ANKS1A: variants seen among roughly 807,000 people sequenced by gnomAD.
The protein encoded by ANKS1A is ankyrin repeat and sterile alpha motif domain containing 1A.
Under a neutral mutation model 120.3 loss-of-function variants are expected in ANKS1A, and 55 were observed. The observed-to-expected ratio is 0.46, with a 90% CI of 0.37 to 0.57. The LOEUF is 0.57. Among genes scored for constraint, ANKS1A ranks in the 20% least tolerant of loss-of-function variants. The pLI, the probability that ANKS1A is intolerant of heterozygous loss-of-function variation, is 0.00. For missense variants in ANKS1A, 1,123 were observed against 1,480.3 expected (o/e 0.76, Z 3.96); for synonymous variants, 590 against 604.7 (o/e 0.98, Z 0.36).
intron 1 of ANKS1A, among the ~76,000 whole-genome samples, chr6:34,960,380 C>T (rs1021597081): frequency 5.9e-5 from 9 of 152,030 alleles, no homozygotes; most frequent in African/African-American, 2.2e-4. Context: ...TCCTAGAAAT[C>T]AAGCTCCATG....
chr6:35,085,668 G>T lies in ANKS1A; in HGVS notation c.3133-98G>T. 7.6e-7 allele frequency: 1 copy of T among 1,320,808 alleles called. No individual in the cohort carries two copies. The highest frequency in any genetic ancestry group is 1.0e-6 in the Non-Finnish European group (1 of 979,056). 81.8% of individuals were successfully genotyped at this position (1,320,808 alleles called of 1,614,324 possible). Reference sequence around the variant, plus strand: ...AAGGAGGTAGGAGCGCTCCCGGGTAGACTTAGAGGGGGACACATGGTCCCT... The same window carrying T: ...AAGGAGGTAGGAGCGCTCCCGGGTATACTTAGAGGGGGACACATGGTCCCT... On this transcript the variant is annotated intron_variant, in intron 21 of 23. Coordinates refer to ENST00000360359, the MANE Select transcript of ANKS1A (RefSeq NM_015245.3). This position sits in a 1 kb window ranked among gnomAD's most constrained non-coding sequence, Gnocchi z 4.7.
At chr6:34,983,030 C>T in intron 5 of ANKS1A, 83 bp from the exon 6 acceptor site, 1 of 1,392,126 alleles carries the variant, frequency 7.2e-7, no homozygotes, top group Non-Finnish European at 1.0e-6. Context: ...CTGCTGACAG[C>T]CTTAAATGTC....
Position 35,084,206 on chromosome 6 carries a change from A to C in ANKS1A, c.3080A>C (p.Lys1027Thr). Residue 1027 changes from lysine to threonine, a missense_variant, in exon 21 of 24, where the codon AAG becomes ACG. Physicochemically the swap from Lys to Thr is moderately conservative, Grantham distance 78 (BLOSUM62 -1). This residue lies in a region of ANKS1A where 904 missense variants were observed against 1,130.4 expected (regional missense o/e 0.80). Coordinates refer to ENST00000360359, the MANE Select transcript of ANKS1A (RefSeq NM_015245.3). This position sits in a 1 kb window ranked among gnomAD's most constrained non-coding sequence, Gnocchi z 4.8. ...CTCTGTACCTTTGCCTACATCACCA[A>C]GGACCTGCAGACCAGCCACCACTAT... ...EDLCTFAYIT[K>T]DLQTSHHYCH... The C allele has an allele frequency of 6.2e-7, 1 of 1,614,204 alleles. No homozygotes were observed. The highest frequency in any genetic ancestry group is 8.5e-7 in the Non-Finnish European group (1 of 1,180,030).
intron 13 of ANKS1A, among the ~76,000 whole-genome samples, chr6:35,070,484 C>CTTTT (rs869249276): frequency 3.0e-4 from 19 of 62,992 alleles, no homozygotes; most frequent in Non-Finnish European, 4.0e-4. Flanking sequence ...AAGCCTTTAT[C>CTTTT]TTTTTTTTTT....
At chr6:34,988,797 T>G (rs1772352521) in intron 8 of ANKS1A, among the ~76,000 whole-genome samples, 1 of 152,214 alleles carries the variant, frequency 6.6e-6, no homozygotes, top group Non-Finnish European at 1.5e-5. Context: ...CTCAGTAACT[T>G]TGATTTGTTA....
rs1048643317 is a variant in ANKS1A, at chr6:34,890,219, G to C, written c.197+620G>C. ...CGATTCTCCTGCCTCTGCCTCCCAA[G>C]TAGCTGGGATTACAGGCGCCCGCCA... On this transcript the variant is annotated intron_variant, in intron 1 of 23. Transcript: ENST00000360359. Among the ~76,000 whole-genome samples the C allele has an allele frequency of 5.9e-5, 9 of 152,080 alleles. No homozygotes were observed. In the East Asian group the frequency reaches 1.7e-3, roughly 29 times the overall value.
chr6:34,903,659 G>A (rs78772901), intron 1 of ANKS1A, among the ~76,000 whole-genome samples: 7 of 151,924 alleles, frequency 4.6e-5, no homozygotes, highest in African/African-American at 1.5e-4. Context: ...CCTCATGCCC[G>A]GCTAATTTTT....
In ANKS1A at chr6:35,078,972, CCT is replaced by C. The variant is rs539936413; in HGVS notation, c.2283+317_2283+318del. Among the ~76,000 whole-genome samples, 19 of 152,290 alleles carry C rather than the reference CCT, an allele frequency of 1.2e-4. No homozygotes were observed. In the South Asian group the frequency reaches 3.9e-3, roughly 32 times the overall value. ...TGGCTTGGCCTTTCACCCAGAGCCC[CCT>C]TCATGGTCTCTCTGGCTCACTGGAG... On this transcript the variant is annotated intron_variant, in intron 14 of 23. Coordinates refer to ENST00000360359, the MANE Select transcript of ANKS1A (RefSeq NM_015245.3).
chr6:34,925,462 GGA>G (rs1466977954), intron 1 of ANKS1A, among the ~76,000 whole-genome samples: 1 of 152,184 alleles, frequency 6.6e-6, no homozygotes, highest in African/African-American at 2.4e-5. Context: ...GTACGTGAGA[GGA>G]GCATAAACTG....
chr6:35,085,756 T>G lies in ANKS1A; in HGVS notation c.3133-10T>G, dbSNP rs760294751. On this transcript the variant is annotated splice_polypyrimidine_tract_variant and intron_variant, in intron 21 of 23. Coordinates refer to ENST00000360359, the MANE Select transcript of ANKS1A (RefSeq NM_015245.3). This position sits in a 1 kb window ranked among gnomAD's most constrained non-coding sequence, Gnocchi z 4.7. The stretch of plus-strand genomic sequence containing the variant: ...ACCAGGTGCTTAAGTGGTGATCTGC[T>G]TCCTCCCAGAACCTGACCTACGAGA... The G allele has an allele frequency of 1.9e-6, 3 of 1,572,082 alleles. No individual in the cohort carries two copies. Among genetic ancestry groups the G allele is most frequent in the Admixed American group, 1.9e-5 (1 of 52,854 alleles).
intron 11 of ANKS1A, among the ~76,000 whole-genome samples, chr6:35,039,836 G>A (rs1380911149): frequency 6.6e-6 from 1 of 152,212 alleles, no homozygotes; most frequent in Non-Finnish European, 1.5e-5. Context: ...AGATTGAGTG[G>A]CTTAAACAAC....
chr6:35,092,836 T>C (rs1332154559), downstream of ANKS1A, among the ~76,000 whole-genome samples: 1 of 152,176 alleles, frequency 6.6e-6, no homozygotes, highest in African/African-American at 2.4e-5. Flanking sequence ...GAGCCTCCCC[T>C]TCACAGATGC....
chr6:34,897,093 G>C (rs1173933649), intron 1 of ANKS1A, among the ~76,000 whole-genome samples: 1 of 152,236 alleles, frequency 6.6e-6, no homozygotes, highest in Non-Finnish European at 1.5e-5. Context: ...TGAGGCTGCA[G>C]TGAAAAGAAA....
chr6:35,086,127 C>T lies in ANKS1A; in HGVS notation c.3303+191C>T, dbSNP rs550328596. 248 of 1,154,538 alleles carry T rather than the reference C, an allele frequency of 2.1e-4. No homozygotes were observed. The African/African-American group carries it at 3.5e-3, about 16-fold the overall frequency. The allele number at this position is 1,154,538 out of a possible 1,614,324, so 71.5% of individuals were successfully genotyped here. Reference sequence around the variant, plus strand: ...AAGGCAGCAGCTCCTCTGGCCTGGGCGGGCCTCTCATGCTCCTGTTTCCCT... The same window carrying T: ...AAGGCAGCAGCTCCTCTGGCCTGGGTGGGCCTCTCATGCTCCTGTTTCCCT... On this transcript the variant is annotated intron_variant, in intron 22 of 23. Transcript: ENST00000360359. The surrounding 1 kb of genome is among the most constrained non-coding windows in gnomAD (Gnocchi z 5.1).
Position 35,088,604 on chromosome 6 carries a change from A to G in ANKS1A, c.3402-2A>G. 6.2e-7 allele frequency: 1 copy of G among 1,614,160 alleles called. No individual in the cohort carries two copies. The highest frequency in any genetic ancestry group is 8.5e-7 in the Non-Finnish European group (1 of 1,180,024). ...CTCCCCCCATTGTTTGCTTCTGCCA[A>G]GCTGAGCCACTGAGGAACCACACTG... On this transcript the variant is annotated splice_acceptor_variant, in intron 23 of 23. Coordinates refer to ENST00000360359, the MANE Select transcript of ANKS1A (RefSeq NM_015245.3). LOFTEE classifies it high-confidence loss of function.
intron 11 of ANKS1A, among the ~76,000 whole-genome samples, chr6:35,020,921 TG>T (rs1184884541): frequency 1.3e-5 from 2 of 152,192 alleles, no homozygotes; most frequent in Non-Finnish European, 2.9e-5. Context: ...ATTTTAAATT[TG>T]AAAAAACTTA....
Position 34,970,050 on chromosome 6 carries a change from A to G in ANKS1A, c.319A>G (p.Asn107Asp). ...TCTTCTGAGGAACGATGCGCTGACCAACGTGGCTGACTCAAAAGGCTGCTA... is the reference window on the plus strand; with the variant it reads ...TCTTCTGAGGAACGATGCGCTGACCGACGTGGCTGACTCAAAAGGCTGCTA... ...EVLLRNDALT[N>D]VADSKGCYPL... The change falls in exon 3 of 24, where the codon AAC becomes GAC. Residue 107 changes from asparagine to aspartate, a missense_variant. Physicochemically the swap from Asn to Asp is conservative, Grantham distance 23. Coordinates refer to ENST00000360359, the MANE Select transcript of ANKS1A (RefSeq NM_015245.3). 6.2e-7 allele frequency: 1 copy of G among 1,614,180 alleles called. No homozygotes were observed. Among genetic ancestry groups the G allele is most frequent in the South Asian group, 1.1e-5 (1 of 91,074 alleles).
chr6:35,025,297 G>A (rs1774563221), intron 11 of ANKS1A, among the ~76,000 whole-genome samples: 1 of 151,656 alleles, frequency 6.6e-6, no homozygotes, highest in African/African-American at 2.4e-5. Flanking sequence ...ATGTGTGTGT[G>A]TGTGTGTATT....
intron 10 of ANKS1A, among the ~76,000 whole-genome samples, chr6:35,013,422 G>A (rs1229160029): frequency 6.6e-6 from 1 of 152,094 alleles, no homozygotes; most frequent in East Asian, 1.9e-4. Flanking sequence ...AACCTCCCAA[G>A]TAGCTGGGAC....
Sources: gnomAD v4.1 joint callset for allele counts (sites outside exome capture counted in the v4.1 genomes callset) on GRCh38, gnomAD v4.1.1 for gene constraint, gnomAD v4.1.1 regional missense constraint, Gnocchi (gnomAD v3.1) non-coding constraint, MANE v1.5 for transcripts, NCBI Gene and HGNC (gene_info 2026-07-23, HGNC 2026-07-21) for gene names.